Variants in NAALADL2 observed in about 807,000 individuals in gnomAD.
NAALADL2 encodes the protein N-acetylated alpha-linked acidic dipeptidase like 2, also known as inactive N-acetylated-alpha-linked acidic dipeptidase-like protein 2.
Under a neutral mutation model 87.2 loss-of-function variants are expected in NAALADL2, and 76 were observed. The observed-to-expected ratio is 0.87, with a 90% CI of 0.72 to 1.05. The LOEUF is 1.05. Among genes scored for constraint, NAALADL2 ranks in the 50% least tolerant of loss-of-function variants. The probability of loss-of-function intolerance (pLI) is 0.00; values close to 1 mark genes in which losing one functional copy is unlikely to be tolerated. For missense variants in NAALADL2, 1,089 were observed against 945.8 expected, an observed-to-expected ratio of 1.15 and a Z score of -1.99; for synonymous variants, 354 against 331.0, an observed-to-expected ratio of 1.07 and a Z score of -0.75.
Position 175,483,718 on chromosome 3 carries a change from G to A in NAALADL2, c.1653+11960G>A, listed in dbSNP as rs116490619. Among the ~76,000 whole-genome samples the A allele has an allele frequency of 3.4e-3, 517 of 152,174 alleles. 2 individuals are homozygous for A. Among genetic ancestry groups the A allele is most frequent in the African/African-American group, 0.011 (464 of 41,538 alleles). ...GGTTTGGGTAAGAAATTAATTGAAT[G>A]TGTGCTTGGGTGATTAAAAGTCTCA... On this transcript the variant is annotated intron_variant, in intron 9 of 13. Transcript: ENST00000454872.
At chr3:174,519,600 G>A (rs1368367772) in intron 1 of NAALADL2, among the ~76,000 whole-genome samples, 1 of 151,572 alleles carries the variant, frequency 6.6e-6, no homozygotes, top group African/African-American at 2.4e-5. Context: ...CAAAGTGCTG[G>A]GATTACAGAT....
At chr3:175,305,603 A>G (rs1464404986) in intron 4 of NAALADL2, among the ~76,000 whole-genome samples, 2 of 151,122 alleles carry the variant, frequency 1.3e-5, no homozygotes, top group Non-Finnish European at 3.0e-5. Context: ...GCTCACCGCA[A>G]CCTCCACCTC....
At chr3:174,934,021 A>G (rs1274180960) in intron 1 of NAALADL2, among the ~76,000 whole-genome samples, 1 of 152,208 alleles carries the variant, frequency 6.6e-6, no homozygotes, top group Admixed American at 6.5e-5. Flanking sequence ...CATATTAAGG[A>G]TGAAATAGGA....
At chr3:175,016,170 T>A (rs1286913537) in intron 1 of NAALADL2, among the ~76,000 whole-genome samples, 1 of 150,316 alleles carries the variant, frequency 6.7e-6, no homozygotes, top group African/African-American at 2.4e-5. Context: ...GACCAAATCA[T>A]ACTATTTTCC....
intron 1 of NAALADL2, among the ~76,000 whole-genome samples, chr3:175,082,144 AT>A (rs1393389039): frequency 6.6e-6 from 1 of 152,156 alleles, no homozygotes; most frequent in Non-Finnish European, 1.5e-5. Context: ...ATCAGTGGCA[AT>A]TTGGGGATTC....
intron 11 of NAALADL2, among the ~76,000 whole-genome samples, chr3:175,698,599 TAA>T (rs1738528852): frequency 1.3e-5 from 2 of 149,880 alleles, no homozygotes; most frequent in Admixed American, 1.3e-4. Flanking sequence ...GTTATATCAT[TAA>T]AGAGTTCAAT....
At chr3:174,753,024 T>G (rs1411885279) in intron 3 of NAALADL2, among the ~76,000 whole-genome samples, 2 of 152,204 alleles carry the variant, frequency 1.3e-5, no homozygotes, top group African/African-American at 4.8e-5. Flanking sequence ...CATTTTTATA[T>G]TTGTGCATGT....
chr3:175,589,228 C>G (rs1721012397), intron 10 of NAALADL2, among the ~76,000 whole-genome samples: 1 of 152,062 alleles, frequency 6.6e-6, no homozygotes, highest in East Asian at 1.9e-4. Flanking sequence ...CAGAGATAAC[C>G]CTGCTGTGTA....
At chr3:175,278,941 G>A (rs964993986) in intron 4 of NAALADL2, among the ~76,000 whole-genome samples, 20 of 152,128 alleles carry the variant, frequency 1.3e-4, no homozygotes, top group Non-Finnish European at 2.4e-4. Flanking sequence ...TTCCCTAAAA[G>A]TTAGATTATA....
At chr3:175,542,931 T>C (rs568047935) in intron 9 of NAALADL2, among the ~76,000 whole-genome samples, 1 of 152,278 alleles carries the variant, frequency 6.6e-6, no homozygotes, top group East Asian at 1.9e-4. Flanking sequence ...TAGAGGTAAA[T>C]TCCTATTAAA....
intron 3 of NAALADL2, among the ~76,000 whole-genome samples, chr3:175,245,828 G>T (rs1029391205): frequency 6.6e-6 from 1 of 152,138 alleles, no homozygotes; most frequent in African/African-American, 2.4e-5. Context: ...TGGATTGGAG[G>T]TCCATTTTAA....
At chr3:175,153,136 T>TA (rs1731795413) in intron 2 of NAALADL2, among the ~76,000 whole-genome samples, 2 of 152,180 alleles carry the variant, frequency 1.3e-5, no homozygotes, top group South Asian at 4.1e-4. Flanking sequence ...GTATACAACT[T>TA]ACCTCTTAAA....
At chr3:175,136,071 T>C (rs895941044) in intron 2 of NAALADL2, among the ~76,000 whole-genome samples, 3 of 152,324 alleles carry the variant, frequency 2.0e-5, no homozygotes, top group African/African-American at 7.2e-5. Flanking sequence ...TGGTAACCAT[T>C]GTGAACCTAC....
At chr3:175,131,157 T>C (rs1352902756) in intron 2 of NAALADL2, among the ~76,000 whole-genome samples, 1 of 143,510 alleles carries the variant, frequency 7.0e-6, no homozygotes, top group Admixed American at 6.9e-5. Context: ...TTTTATTCTT[T>C]TTTTTTTTTT....
At chr3:175,440,117 C>A (rs1719483374) in intron 5 of NAALADL2, among the ~76,000 whole-genome samples, 1 of 152,120 alleles carries the variant, frequency 6.6e-6, no homozygotes, top group African/African-American at 2.4e-5. Context: ...TTGCCACTTA[C>A]CCCAGCACCA....
intron 2 of NAALADL2, among the ~76,000 whole-genome samples, chr3:175,122,376 A>G (rs1726290868): frequency 6.6e-6 from 1 of 151,858 alleles, no homozygotes; most frequent in African/African-American, 2.4e-5. Flanking sequence ...TTTGGCCTTG[A>G]ACTTGTTTTT....
At chr3:175,475,555 T>C (rs1725575621) in intron 9 of NAALADL2, among the ~76,000 whole-genome samples, 1 of 152,150 alleles carries the variant, frequency 6.6e-6, no homozygotes, top group Admixed American at 6.6e-5. Flanking sequence ...ACAGGTTATT[T>C]TGGGAAAACC....
chr3:175,708,083 T>G (rs146845045), intron 11 of NAALADL2, among the ~76,000 whole-genome samples: 1 of 151,298 alleles, frequency 6.6e-6, no homozygotes, highest in Non-Finnish European at 1.5e-5. Flanking sequence ...TGACAAGGAG[T>G]TGGCCCATTA....
At chr3:175,283,510 A>G (rs1192535181) in intron 4 of NAALADL2, among the ~76,000 whole-genome samples, 1 of 152,074 alleles carries the variant, frequency 6.6e-6, no homozygotes, top group Non-Finnish European at 1.5e-5. Flanking sequence ...AAACAATCCT[A>G]CCAACATAAA....
Sources: gnomAD v4.1 joint callset for allele counts (sites outside exome capture counted in the v4.1 genomes callset) on GRCh38, gnomAD v4.1.1 for gene constraint, MANE v1.5 for transcripts, NCBI Gene and HGNC (gene_info 2026-07-23, HGNC 2026-07-21) for gene names.